The following SYNPR variants were observed in gnomAD, a reference collection of about 807,000 sequenced individuals.
The protein encoded by SYNPR is synaptoporin.
A neutral mutation model predicts 32.9 loss-of-function variants in SYNPR; 23 were observed. The observed-to-expected ratio is 0.70, with a 90% CI of 0.50 to 0.99. The LOEUF (loss-of-function observed/expected upper bound fraction) is 0.99. Among genes scored for constraint, SYNPR ranks in the 50% least tolerant of loss-of-function variants. The pLI is 0.00. For missense variants in SYNPR, 318 were observed against 349.3 expected (o/e 0.91, Z 0.71); for synonymous variants, 146 against 135.9 (o/e 1.07, Z -0.52).
intron 1 of SYNPR, among the ~76,000 whole-genome samples, chr3:63,242,503 G>A (rs1006039761): frequency 4.6e-5 from 7 of 152,116 alleles, no homozygotes; most frequent in African/African-American, 1.7e-4. Context: ...CTATGTGAAT[G>A]AACAGGTGTG....
chr3:63,588,168 A>G (rs747884666), intron 4 of SYNPR, among the ~76,000 whole-genome samples: 11 of 152,124 alleles, frequency 7.2e-5, no homozygotes, highest in Non-Finnish European at 1.5e-4. Context: ...ACATATATAC[A>G]TATATGAATT....
At chr3:63,568,534 G>A (rs1451516004) in intron 4 of SYNPR, among the ~76,000 whole-genome samples, 9 of 152,036 alleles carry the variant, frequency 5.9e-5, no homozygotes, top group African/African-American at 2.2e-4. Flanking sequence ...ATACCTATAA[G>A]GTCAAGTGAC....
chr3:63,450,346 G>A lies in SYNPR; in HGVS notation c.85-30486G>A, dbSNP rs141603030. Among the ~76,000 whole-genome samples, 644 of 152,262 alleles carry A rather than the reference G, an allele frequency of 4.2e-3. 6 individuals carry two copies. Among genetic ancestry groups the A allele is most frequent in the African/African-American group, 0.015 (624 of 41,550 alleles). On this transcript the variant is annotated intron_variant, in intron 2 of 5. Coordinates refer to ENST00000478300, the MANE Select transcript of SYNPR (RefSeq NM_001130003.2). Reference sequence around the variant, plus strand: ...CTTCAAACTATCTGATCTCTTGCTGGTGACTCTACACCATTAAAACTTAAT... The same window carrying A: ...CTTCAAACTATCTGATCTCTTGCTGATGACTCTACACCATTAAAACTTAAT...
chr3:63,369,360 C>G (rs1332402606), intron 2 of SYNPR, among the ~76,000 whole-genome samples: 1 of 152,118 alleles, frequency 6.6e-6, no homozygotes, highest in Non-Finnish European at 1.5e-5. Flanking sequence ...CTGATAGAGT[C>G]TGCAAAATGG....
chr3:63,594,386 T>TAATGCGTGGAATG (rs1228091724), intron 4 of SYNPR, among the ~76,000 whole-genome samples: 2 of 152,178 alleles, frequency 1.3e-5, no homozygotes, highest in Admixed American at 6.6e-5. Flanking sequence ...GAGAATTAAA[T>TAATGCGTGGAATG]GAGTAATGCG....
chr3:63,462,582 T>C (rs1337660428), intron 2 of SYNPR, among the ~76,000 whole-genome samples: 1 of 152,162 alleles, frequency 6.6e-6, no homozygotes, highest in Non-Finnish European at 1.5e-5. Flanking sequence ...AGTTATACTT[T>C]ATTCCCAGGA....
chr3:63,527,787 T>C (rs1057123929), intron 3 of SYNPR, among the ~76,000 whole-genome samples: 1 of 152,202 alleles, frequency 6.6e-6, no homozygotes, highest in Non-Finnish European at 1.5e-5. Flanking sequence ...ATGCTATTTT[T>C]CAATACTGTA....
intron 3 of SYNPR, among the ~76,000 whole-genome samples, chr3:63,533,545 T>C (rs11130941): frequency 0.25 from 37,341 of 151,898 alleles, 4,662 homozygotes; most frequent in East Asian, 0.33. Context: ...TACCTTGGGG[T>C]AATAAAAGCA....
chr3:63,557,676 T>A (rs1044853292), intron 4 of SYNPR, among the ~76,000 whole-genome samples: 8 of 152,214 alleles, frequency 5.3e-5, no homozygotes, highest in African/African-American at 1.9e-4. Flanking sequence ...TTCGGTGACA[T>A]GTTACTATGC....
chr3:63,452,094 T>C, intron 2 of SYNPR: 1 of 702,310 alleles, frequency 1.4e-6, no homozygotes, highest in Middle Eastern at 2.3e-4. Flanking sequence ...CAAACGTTTT[T>C]TCTCTGGATC....
intron 2 of SYNPR, among the ~76,000 whole-genome samples, chr3:63,410,276 CTTAA>C (rs2088444842): frequency 6.6e-6 from 1 of 152,230 alleles, no homozygotes; most frequent in East Asian, 1.9e-4. Flanking sequence ...AAATCATGAA[CTTAA>C]TTAAATGATG....
At chr3:63,550,433 C>T (rs1322607146) in intron 3 of SYNPR, among the ~76,000 whole-genome samples, 1 of 151,700 alleles carries the variant, frequency 6.6e-6, no homozygotes, top group Non-Finnish European at 1.5e-5. Flanking sequence ...CCCAGTATGG[C>T]TGGTAGGCTA....
At chr3:63,411,532 C>G (rs2078515) in intron 2 of SYNPR, among the ~76,000 whole-genome samples, 1 of 151,912 alleles carries the variant, frequency 6.6e-6, no homozygotes, top group African/African-American at 2.4e-5. Context: ...AAGTTATATA[C>G]ACATAACGAC....
At chr3:63,528,654 A>G (rs928210380) in intron 3 of SYNPR, among the ~76,000 whole-genome samples, 1 of 151,936 alleles carries the variant, frequency 6.6e-6, no homozygotes, top group African/African-American at 2.4e-5. Flanking sequence ...ACTTATACAT[A>G]TAGGAAAATT....
At chr3:63,484,075 A>T (rs1310388846) in intron 3 of SYNPR, among the ~76,000 whole-genome samples, 1 of 152,192 alleles carries the variant, frequency 6.6e-6, no homozygotes, top group African/African-American at 2.4e-5. Flanking sequence ...AGTGTTAAAA[A>T]TTCTAGATAA....
chr3:63,255,272 CA>C (rs1231358096), intron 2 of SYNPR, among the ~76,000 whole-genome samples: 1 of 152,038 alleles, frequency 6.6e-6, no homozygotes, highest in Non-Finnish European at 1.5e-5. Flanking sequence ...GTGTTGCTGT[CA>C]AAAAACTTGA....
At chr3:63,292,490 A>G (rs1225564290) in intron 2 of SYNPR, among the ~76,000 whole-genome samples, 2 of 152,218 alleles carry the variant, frequency 1.3e-5, no homozygotes, top group Non-Finnish European at 2.9e-5. Context: ...AATAGAAAAA[A>G]TACTTGGATT....
At chr3:63,490,960 C>T (rs1701247575) in intron 3 of SYNPR, among the ~76,000 whole-genome samples, 1 of 152,032 alleles carries the variant, frequency 6.6e-6, no homozygotes, top group Non-Finnish European at 1.5e-5. Flanking sequence ...GATGGGGTTT[C>T]ACCATGTTGG....
intron 3 of SYNPR, among the ~76,000 whole-genome samples, chr3:63,528,758 C>T (rs1236913425): frequency 1.3e-5 from 2 of 152,238 alleles, no homozygotes; most frequent in African/African-American, 4.8e-5. Context: ...TGGAGTACTA[C>T]GCGATCTTCC....
Sources: gnomAD v4.1 joint callset for allele counts (sites outside exome capture counted in the v4.1 genomes callset) on GRCh38, gnomAD v4.1.1 for gene constraint, MANE v1.5 for transcripts, NCBI Gene and HGNC (gene_info 2026-07-23, HGNC 2026-07-21) for gene names.